The following FAM169A variants were observed in gnomAD, a reference collection of about 807,000 sequenced individuals.
The protein encoded by FAM169A is family with sequence similarity 169 member A, also known as soluble lamin-associated protein of 75 kDa.
Under a neutral mutation model 75.7 loss-of-function variants are expected in FAM169A, and 24 were observed. The observed-to-expected ratio is 0.32, with a 90% CI of 0.23 to 0.45. FAM169A has a LOEUF of 0.45. FAM169A is among the 20% of genes least tolerant of loss of function. The pLI, the probability that FAM169A is intolerant of heterozygous loss-of-function variation, is 1.00. For missense variants in FAM169A, 673 were observed against 784.0 expected, an observed-to-expected ratio of 0.86 and a Z score of 1.69; for synonymous variants, 271 against 271.0, an observed-to-expected ratio of 1.00 and a Z score of 0.00.
chr5:74,804,389 G>A (rs1253416534), intron 8 of FAM169A, 104 bp downstream of exon 8: 4 of 461,796 alleles, frequency 8.7e-6, no homozygotes, highest in African/African-American at 8.1e-5. Flanking sequence ...ACATAGCTTT[G>A]TTGAATGAAC....
At chr5:74,852,444 T>C (rs148925617) in intron 1 of FAM169A, among the ~76,000 whole-genome samples, 5 of 152,294 alleles carry the variant, frequency 3.3e-5, no homozygotes, top group Admixed American at 6.5e-5. Flanking sequence ...ACAGTAGTCT[T>C]ATCTAACTTC....
chr5:74,788,344 G>A (rs1350575168), intron 11 of FAM169A, among the ~76,000 whole-genome samples: 1 of 152,162 alleles, frequency 6.6e-6, no homozygotes, highest in Non-Finnish European at 1.5e-5. Context: ...CTCCCTGACT[G>A]GTGGGGTGAG....
At chr5:74,838,490 G>A (rs1184997985) in intron 4 of FAM169A, among the ~76,000 whole-genome samples, 2 of 152,096 alleles carry the variant, frequency 1.3e-5, no homozygotes, top group Middle Eastern at 3.4e-3. Context: ...TTCCTGCAAC[G>A]TTCTTCAGCT....
rs527547482 is a variant in FAM169A, at chr5:74,839,501, G to A, written c.233-451C>T. 5.8e-4 allele frequency among the ~76,000 whole-genome samples: 88 copies of A among 151,864 alleles called. No homozygotes were observed. In the South Asian group the frequency reaches 7.5e-3, roughly 13 times the overall value. ...TTCCTGGTGGCCTCCCCAGCCATGC[G>A]GAACTGTGAGTCAATTTTTAATTTT... On this transcript the variant is annotated intron_variant, in intron 3 of 12. Transcript: ENST00000687041.
chr5:74,847,618 T>C (rs994507978), intron 1 of FAM169A, among the ~76,000 whole-genome samples: 5 of 152,204 alleles, frequency 3.3e-5, no homozygotes, highest in African/African-American at 1.2e-4. Context: ...TTTCCTATAA[T>C]TTAAATGTTC....
intron 1 of FAM169A, chr5:74,848,868 T>G (rs2112703475): frequency 6.6e-6 from 1 of 152,306 alleles, no homozygotes; most frequent in East Asian, 1.9e-4. Context: ...ATAAATCCCT[T>G]GCTTCTCTCT....
intron 5 of FAM169A, among the ~76,000 whole-genome samples, chr5:74,816,227 C>T (rs1012316616): frequency 6.6e-6 from 1 of 152,082 alleles, no homozygotes; most frequent in African/African-American, 2.4e-5. Flanking sequence ...GTTTGAAGTA[C>T]AAAGCAAAAA....
At chr5:74,856,634 C>T (rs561623373) in intron 1 of FAM169A, among the ~76,000 whole-genome samples, 4 of 151,680 alleles carry the variant, frequency 2.6e-5, no homozygotes, top group Non-Finnish European at 4.4e-5. Flanking sequence ...TGCTGAAGGA[C>T]AGAGACAAAA....
At chr5:74,785,270 G>C (rs1024708343) in intron 11 of FAM169A, among the ~76,000 whole-genome samples, 1 of 152,104 alleles carries the variant, frequency 6.6e-6, no homozygotes, top group South Asian at 2.1e-4. Flanking sequence ...GTTAAGCCTA[G>C]ATTGCACCAC....
At chr5:74,799,744 G>A in intron 10 of FAM169A, 1 of 1,147,940 alleles carries the variant, frequency 8.7e-7, no homozygotes, top group South Asian at 1.2e-5. Context: ...CTGCTCCTGA[G>A]TGTGTCATCT....
chr5:74,802,422 C>G (rs1342444314), intron 8 of FAM169A, among the ~76,000 whole-genome samples: 1 of 151,884 alleles, frequency 6.6e-6, no homozygotes, highest in African/African-American at 2.4e-5. Context: ...AATGGCCAAC[C>G]ACTGCTTAGA....
At position 74,846,306 on chromosome 5, in the gene FAM169A, A is replaced by G. The variant is rs1331162672; in HGVS notation, c.-3-4627T>C. ...CATTTACTAAGAGCAATTGTAATCTAAAGAATGAAATGCAAATTTGTATTT... is the reference window on the plus strand; with the variant it reads ...CATTTACTAAGAGCAATTGTAATCTGAAGAATGAAATGCAAATTTGTATTT... On this transcript the variant is annotated intron_variant, in intron 1 of 12. Coordinates refer to ENST00000687041, the MANE Select transcript of FAM169A (RefSeq NM_001376049.1). Among the ~76,000 whole-genome samples the G allele has an allele frequency of 2.6e-5, 4 of 152,346 alleles. No individual in the cohort carries two copies. In the East Asian group the frequency reaches 7.7e-4, roughly 29 times the overall value.
intron 1 of FAM169A, among the ~76,000 whole-genome samples, chr5:74,845,947 A>G (rs568425669): frequency 6.6e-6 from 1 of 152,382 alleles, no homozygotes; most frequent in South Asian, 2.1e-4. Context: ...TATGTTCTAT[A>G]GTCAGATCTA....
chr5:74,807,652 T>C (rs533403054), intron 6 of FAM169A, among the ~76,000 whole-genome samples: 3 of 152,068 alleles, frequency 2.0e-5, no homozygotes, highest in Admixed American at 6.6e-5. Flanking sequence ...TGCCCAACAG[T>C]AGGGAAATAT....
chr5:74,788,363 T>C (rs547318788), intron 11 of FAM169A, among the ~76,000 whole-genome samples: 306 of 152,278 alleles, frequency 2.0e-3, no homozygotes, highest in Non-Finnish European at 2.3e-3. Flanking sequence ...AGGGCTATTA[T>C]GGTGGGACAG....
In FAM169A at chr5:74,862,923, CA is replaced by C. The variant is rs1318785324; in HGVS notation, c.-4+3241del. Among the ~76,000 whole-genome samples the C allele has an allele frequency of 7.4e-5, 11 of 149,648 alleles. No individual in the cohort carries two copies. The East Asian group carries it at 2.0e-3, about 27-fold the overall frequency. ...GGGCCTGTTTGTGACCTACAACACACAACAGACACTCAATGTTTGTGGAATA... is the reference window on the plus strand; with the variant it reads ...GGGCCTGTTTGTGACCTACAACACACACAGACACTCAATGTTTGTGGAATA... On this transcript the variant is annotated intron_variant, in intron 1 of 12. Coordinates refer to ENST00000687041, the MANE Select transcript of FAM169A (RefSeq NM_001376049.1).
chr5:74,808,438 G>C (rs562826070), intron 6 of FAM169A, among the ~76,000 whole-genome samples: 2 of 152,202 alleles, frequency 1.3e-5, no homozygotes, highest in South Asian at 4.1e-4. Flanking sequence ...AATTCATAGG[G>C]ACAGAAAGCA....
chr5:74,781,759 C>G lies in FAM169A; in HGVS notation c.1714G>C (p.Gly572Arg). Residue 572 changes from glycine (G) to arginine (R), a missense_variant, in exon 13 of 13, where the codon GGT (glycine) becomes CGT (arginine). This residue lies in a region of FAM169A where 510 missense variants were observed against 550.9 expected (regional missense o/e 0.93). Transcript: ENST00000687041. ...TGGGGCTCAGATACCCCCTCCTCAC[C>G]CTGGTCTTCCAATGAGGAAGTAGTA... Reference protein sequence around the residue: ...PNTTSSLEDQGEEGVSEPQET... With the variant: ...PNTTSSLEDQREEGVSEPQET... The G allele has an allele frequency of 6.2e-7, 1 of 1,614,050 alleles. No homozygotes were observed. Among genetic ancestry groups the G allele is most frequent in the East Asian group, 2.2e-5 (1 of 44,888 alleles).
upstream of FAM169A, chr5:74,866,863 A>C (rs1750375615): frequency 1.0e-6 from 1 of 985,394 alleles, no homozygotes; most frequent in Non-Finnish European, 1.2e-6. Context: ...AGGGGTGCAG[A>C]GGGCACGGGC....
Sources: allele counts gnomAD v4.1 joint callset (sites outside exome capture counted in the v4.1 genomes callset), GRCh38; gene constraint gnomAD v4.1.1; regional missense constraint gnomAD v4.1.1; transcripts MANE v1.5; gene names NCBI Gene and HGNC (gene_info 2026-07-23, HGNC 2026-07-21).